ARHGAP18: variants seen among roughly 807,000 people sequenced by gnomAD.
ARHGAP18 encodes the protein rho GTPase-activating protein 18.
ARHGAP18 carries 67 observed loss-of-function variants against 86.2 expected under a neutral mutation model. The observed-to-expected ratio is 0.78, with a 90% CI of 0.64 to 0.95. The LOEUF (loss-of-function observed/expected upper bound fraction) is 0.95. ARHGAP18 is among the 40% of genes least tolerant of loss of function. The probability of loss-of-function intolerance (pLI) is 0.00; values close to 1 mark genes in which losing one functional copy is unlikely to be tolerated. For missense variants in ARHGAP18, 691 were observed against 780.4 expected (o/e 0.89, Z 1.37); for synonymous variants, 283 against 280.4 (o/e 1.01, Z -0.09).
rs141119004 is a variant in ARHGAP18, at chr6:129,699,312, C to T, written c.113+10712G>A. ...CAGGCACATGTTTAGGAGACAAAGG[C>T]ATATTTATTGGAGTATACAAAGCTC... On this transcript the variant is annotated intron_variant, in intron 1 of 14. Transcript: ENST00000368149. Among the ~76,000 whole-genome samples the T allele has an allele frequency of 5.6e-3, 852 of 152,208 alleles. 4 individuals are homozygous for T. The highest frequency in any genetic ancestry group is 0.01 in the Middle Eastern group (3 of 294).
chr6:129,706,476 A>C (rs1194223634), intron 1 of ARHGAP18, among the ~76,000 whole-genome samples: 1 of 152,212 alleles, frequency 6.6e-6, no homozygotes, highest in Admixed American at 6.5e-5. Context: ...TCTGACATTC[A>C]ATGACTGTTT....
intron 1 of ARHGAP18, among the ~76,000 whole-genome samples, chr6:129,675,835 C>T (rs954819822): frequency 2.0e-5 from 3 of 152,126 alleles, no homozygotes; most frequent in African/African-American, 7.2e-5. Flanking sequence ...ATTTTTAGAC[C>T]AATTCCTACA....
chr6:129,584,082 G>A lies in ARHGAP18; in HGVS notation c.1744C>T (p.Gln582Ter), dbSNP rs761209858. The A allele has an allele frequency of 1.2e-6, 2 of 1,613,654 alleles. No individual in the cohort carries two copies. The highest frequency in any genetic ancestry group is 1.7e-5 in the Admixed American group (1 of 59,984). Residue 582 changes from glutamine (Q) to a stop codon, truncating the protein, a stop_gained, in exon 13 of 15, where the codon CAA becomes TAA. Coordinates refer to ENST00000368149, the MANE Select transcript of ARHGAP18 (RefSeq NM_033515.3). LOFTEE classifies it high-confidence loss of function. The part of the protein sequence containing the change: ...ADVPQGVIRV[Q>*]APHLSKVSMA... ...GAAACTTTCGAAAGATGGGGAGCTTGCACTCGAATCACTCCCTGAGGAACG... is the reference window on the plus strand; with the variant it reads ...GAAACTTTCGAAAGATGGGGAGCTTACACTCGAATCACTCCCTGAGGAACG...
At chr6:129,611,759 G>A in intron 7 of ARHGAP18, 149 bp from the exon 8 acceptor site, 3 of 613,626 alleles carry the variant, frequency 4.9e-6, no homozygotes, top group Non-Finnish European at 8.4e-6. Flanking sequence ...TACTACCACT[G>A]TCCTTCAAAA....
chr6:129,649,134 G>A (rs760816768), intron 1 of ARHGAP18, among the ~76,000 whole-genome samples: 4 of 152,138 alleles, frequency 2.6e-5, no homozygotes, highest in Non-Finnish European at 4.4e-5. Context: ...TGACTCAAAT[G>A]CTATAGTCTT....
chr6:129,640,471 A>T (rs184620886), intron 2 of ARHGAP18, among the ~76,000 whole-genome samples: 20 of 152,360 alleles, frequency 1.3e-4, no homozygotes, highest in Admixed American at 1.3e-3. Flanking sequence ...GGTGAGAGAT[A>T]CTATTAATTA....
At chr6:129,630,980 T>C (rs907253826) in intron 4 of ARHGAP18, among the ~76,000 whole-genome samples, 1 of 152,230 alleles carries the variant, frequency 6.6e-6, no homozygotes, top group Non-Finnish European at 1.5e-5. Flanking sequence ...TGTATATTTA[T>C]GTTTCTCAAC....
At chr6:129,601,217 T>C (rs997921518) in intron 10 of ARHGAP18, among the ~76,000 whole-genome samples, 1 of 152,242 alleles carries the variant, frequency 6.6e-6, no homozygotes, top group Non-Finnish European at 1.5e-5. Flanking sequence ...TGTACTTTCC[T>C]ATGTAGAGAT....
chr6:129,603,526 T>A (rs1364033882), intron 10 of ARHGAP18, among the ~76,000 whole-genome samples: 1 of 152,184 alleles, frequency 6.6e-6, no homozygotes, highest in East Asian at 1.9e-4. Context: ...AATTACTTAG[T>A]AGCTGGGTAT....
chr6:129,676,915 CTTTTTTTTTTTTTTTT>C (rs10688716), intron 1 of ARHGAP18, among the ~76,000 whole-genome samples: 44 of 38,002 alleles, frequency 1.2e-3, no homozygotes, highest in East Asian at 4.9e-3. Flanking sequence ...TTTTTGTCCT[CTTTTTTTTTTTTTTTT>C]TTTTTTTTTT....
chr6:129,606,856 CAATT>C (rs1262344092), intron 9 of ARHGAP18, among the ~76,000 whole-genome samples: 1 of 149,098 alleles, frequency 6.7e-6, no homozygotes, highest in African/African-American at 2.4e-5. Flanking sequence ...TAGCTCACCG[CAATT>C]TATTCTTTTT....
At chr6:129,690,059 C>T (rs1345852796) in intron 1 of ARHGAP18, among the ~76,000 whole-genome samples, 1 of 152,038 alleles carries the variant, frequency 6.6e-6, no homozygotes, top group Non-Finnish European at 1.5e-5. Flanking sequence ...AGCACTTTGG[C>T]CAAACAGTCC....
At chr6:129,603,908 T>C (rs1788798828) in intron 10 of ARHGAP18, among the ~76,000 whole-genome samples, 1 of 152,182 alleles carries the variant, frequency 6.6e-6, no homozygotes, top group Admixed American at 6.5e-5. Context: ...CAAACAACCA[T>C]GCACATGATT....
intron 5 of ARHGAP18, among the ~76,000 whole-genome samples, chr6:129,626,398 T>G (rs1378810114): frequency 6.6e-6 from 1 of 151,928 alleles, no homozygotes; most frequent in African/African-American, 2.4e-5. Flanking sequence ...ATTGAATAGG[T>G]TGGTAGCTGA....
At chr6:129,598,470 G>T (rs1432874818) in intron 12 of ARHGAP18, among the ~76,000 whole-genome samples, 1 of 152,192 alleles carries the variant, frequency 6.6e-6, no homozygotes, top group Non-Finnish European at 1.5e-5. Flanking sequence ...AATGGTGGTG[G>T]TAGTAGGGAG....
chr6:129,698,216 C>T (rs1241854981), intron 1 of ARHGAP18, among the ~76,000 whole-genome samples: 1 of 152,114 alleles, frequency 6.6e-6, no homozygotes, highest in Non-Finnish European at 1.5e-5. Context: ...TCATTTGTAC[C>T]TAGCAAAGAC....
intron 5 of ARHGAP18, among the ~76,000 whole-genome samples, chr6:129,624,210 T>C (rs1789291058): frequency 6.6e-6 from 1 of 152,204 alleles, no homozygotes; most frequent in Non-Finnish European, 1.5e-5. Flanking sequence ...CCTTTCCATA[T>C]TTTGTGATGA....
intron 1 of ARHGAP18, among the ~76,000 whole-genome samples, chr6:129,680,494 A>G (rs540462236): frequency 1.2e-4 from 18 of 152,272 alleles, no homozygotes; most frequent in Admixed American, 3.3e-4. Flanking sequence ...ATAACCTCAA[A>G]TTTCCTTTCG....
chr6:129,676,915 CTTT>C (rs10688716), intron 1 of ARHGAP18, among the ~76,000 whole-genome samples: 501 of 37,748 alleles, frequency 0.013, 9 homozygotes, highest in African/African-American at 0.031. Flanking sequence ...TTTTTGTCCT[CTTT>C]TTTTTTTTTT....
Sources: gnomAD v4.1 joint callset for allele counts (sites outside exome capture counted in the v4.1 genomes callset) on GRCh38, gnomAD v4.1.1 for gene constraint, MANE v1.5 for transcripts, NCBI Gene and HGNC (gene_info 2026-07-23, HGNC 2026-07-21) for gene names.